ATXN1: variants seen among roughly 807,000 people sequenced by gnomAD.
ATXN1 encodes the protein ataxin 1.
In ATXN1, 8 loss-of-function variants were observed where a neutral mutation model predicts 56.4. That is an observed-to-expected ratio of 0.14 (90% CI 0.08 to 0.26). The LOEUF (loss-of-function observed/expected upper bound fraction) is 0.26. ATXN1 is among the 10% of genes least tolerant of loss of function. The pLI, the probability that ATXN1 is intolerant of heterozygous loss-of-function variation, is 1.00. For synonymous variants in ATXN1, 514 were observed against 494.6 expected, an observed-to-expected ratio of 1.04 and a Z score of -0.52; for missense variants, 987 against 1,106.5, an observed-to-expected ratio of 0.89 and a Z score of 1.53.
intron 4 of ATXN1, among the ~76,000 whole-genome samples, chr6:16,579,488 CCCCCA>C (rs1762486715): frequency 2.7e-5 from 1 of 36,978 alleles, no homozygotes; most frequent in Admixed American, 2.0e-4. Flanking sequence ...AAGCCCCCCC[CCCCCA>C]CCCGCCGATT....
intron 6 of ATXN1, among the ~76,000 whole-genome samples, chr6:16,458,977 G>C (rs988367049): frequency 6.6e-6 from 1 of 152,188 alleles, no homozygotes; most frequent in Non-Finnish European, 1.5e-5. Flanking sequence ...ACACTGGCAT[G>C]GCCTTCTCAG....
At chr6:16,478,934 G>T (rs953796740) in intron 6 of ATXN1, among the ~76,000 whole-genome samples, 2 of 152,170 alleles carry the variant, frequency 1.3e-5, no homozygotes, top group Non-Finnish European at 2.9e-5. Flanking sequence ...GTCCAGCAGC[G>T]AATTCTGACA....
intron 6 of ATXN1, among the ~76,000 whole-genome samples, chr6:16,454,622 G>A (rs1035991660): frequency 1.3e-5 from 2 of 152,198 alleles, no homozygotes; most frequent in Non-Finnish European, 2.9e-5. Flanking sequence ...CACAGTACAT[G>A]TAATTGTATT....
At chr6:16,607,121 G>A (rs1423822494) in intron 3 of ATXN1, among the ~76,000 whole-genome samples, 3 of 151,886 alleles carry the variant, frequency 2.0e-5, no homozygotes, top group Non-Finnish European at 4.4e-5. Flanking sequence ...TGATCCACCC[G>A]CCTTGGCCTC....
At chr6:16,756,636 C>T (rs897351999) in intron 1 of ATXN1, among the ~76,000 whole-genome samples, 1 of 152,116 alleles carries the variant, frequency 6.6e-6, no homozygotes, top group African/African-American at 2.4e-5. Flanking sequence ...TCTGAAAATA[C>T]AGAGCAAGGA....
At chr6:16,359,982 A>G (rs1052736814) in intron 6 of ATXN1, among the ~76,000 whole-genome samples, 6 of 152,186 alleles carry the variant, frequency 3.9e-5, no homozygotes, top group Admixed American at 6.5e-5. Flanking sequence ...TGCTCGGGTG[A>G]TGGCTGCACC....
chr6:16,542,163 A>C (rs1230885152), intron 4 of ATXN1, among the ~76,000 whole-genome samples: 1 of 152,014 alleles, frequency 6.6e-6, no homozygotes, highest in Non-Finnish European at 1.5e-5. Context: ...CCACTGCCTG[A>C]GTTGCTCTTG....
chr6:16,631,225 G>C (rs1763498279), intron 3 of ATXN1, among the ~76,000 whole-genome samples: 1 of 152,188 alleles, frequency 6.6e-6, no homozygotes, highest in Non-Finnish European at 1.5e-5. Context: ...TTGAACTTGA[G>C]TCTTTCTGAC....
intron 3 of ATXN1, among the ~76,000 whole-genome samples, chr6:16,632,181 C>A (rs1763515844): frequency 6.6e-6 from 1 of 152,122 alleles, no homozygotes; most frequent in Non-Finnish European, 1.5e-5. Flanking sequence ...CACTCTTCTT[C>A]CCCAACTAAT....
At chr6:16,504,346 C>T (rs895327746) in intron 5 of ATXN1, among the ~76,000 whole-genome samples, 12 of 152,214 alleles carry the variant, frequency 7.9e-5, no homozygotes, top group African/African-American at 2.9e-4. Flanking sequence ...AGCCTGTATA[C>T]AACACACATA....
intron 2 of ATXN1, among the ~76,000 whole-genome samples, chr6:16,687,657 T>TACACAC (rs57034032): frequency 0.073 from 10,405 of 143,276 alleles, 451 homozygotes; most frequent in Admixed American, 0.12. Context: ...AAAGAAGAAA[T>TACACAC]ACACACACAC....
intron 7 of ATXN1, among the ~76,000 whole-genome samples, chr6:16,308,782 G>A (rs1760317781): frequency 6.6e-6 from 1 of 152,158 alleles, no homozygotes; most frequent in South Asian, 2.1e-4. Flanking sequence ...GCTTGTATAA[G>A]CACTAGCAAA....
At chr6:16,411,057 G>A (rs1292945470) in intron 6 of ATXN1, among the ~76,000 whole-genome samples, 2 of 149,200 alleles carry the variant, frequency 1.3e-5, no homozygotes, top group South Asian at 2.1e-4. Flanking sequence ...CCTGGGAGGC[G>A]GAGGTTGCAG....
chr6:16,336,411 C>T (rs1309694171), intron 6 of ATXN1, among the ~76,000 whole-genome samples: 1 of 152,082 alleles, frequency 6.6e-6, no homozygotes, highest in East Asian at 1.9e-4. Context: ...GCTGGTGAGA[C>T]GTTCAGTAAG....
chr6:16,533,943 T>C (rs1392292483), intron 4 of ATXN1, among the ~76,000 whole-genome samples: 3 of 152,150 alleles, frequency 2.0e-5, no homozygotes, highest in East Asian at 3.9e-4. Context: ...CAGGGTTGCA[T>C]TGCCTACTAC....
At chr6:16,551,496 A>ATG (rs1761919647) in intron 4 of ATXN1, among the ~76,000 whole-genome samples, 1 of 152,162 alleles carries the variant, frequency 6.6e-6, no homozygotes, top group African/African-American at 2.4e-5. Flanking sequence ...TTGGAGGTGT[A>ATG]TGTGTGTGGG....
chr6:16,638,215 T>C (rs1300896515), intron 3 of ATXN1, among the ~76,000 whole-genome samples: 1 of 151,784 alleles, frequency 6.6e-6, no homozygotes, highest in Non-Finnish European at 1.5e-5. Flanking sequence ...GAGGCTGAAG[T>C]GGAGGATCGC....
chr6:16,720,707 A>C (rs769613290), intron 2 of ATXN1, among the ~76,000 whole-genome samples: 3 of 152,200 alleles, frequency 2.0e-5, no homozygotes, highest in African/African-American at 7.2e-5. Context: ...ATTTGGGTCG[A>C]GCTAAAGCAT....
intron 2 of ATXN1, among the ~76,000 whole-genome samples, chr6:16,725,597 A>C (rs1188971957): frequency 6.6e-6 from 1 of 152,210 alleles, no homozygotes; most frequent in Non-Finnish European, 1.5e-5. Context: ...ATAGTTTTAA[A>C]GTATTTCTCT....
Sources: allele counts gnomAD v4.1 joint callset (sites outside exome capture counted in the v4.1 genomes callset), GRCh38; gene constraint gnomAD v4.1.1; transcripts MANE v1.5; gene names NCBI Gene and HGNC (gene_info 2026-07-23, HGNC 2026-07-21).